The following SULF2 variants were observed in gnomAD, a reference collection of about 807,000 sequenced individuals.
SULF2 encodes the protein sulfatase 2, also known as extracellular sulfatase Sulf-2.
A neutral mutation model predicts 107.7 loss-of-function variants in SULF2; 52 were observed. That is an observed-to-expected ratio of 0.48 (90% confidence interval 0.39 to 0.61). The LOEUF is 0.61. Among genes scored for constraint, SULF2 ranks in the 20% least tolerant of loss-of-function variants. The pLI, the probability that SULF2 is intolerant of heterozygous loss-of-function variation, is 0.00. For synonymous variants in SULF2, 460 were observed against 464.3 expected (o/e 0.99, Z 0.12); for missense variants, 993 against 1,177.3 (o/e 0.84, Z 2.29).
intron 7 of SULF2, among the ~76,000 whole-genome samples, chr20:47,679,322 C>T (rs140379008): frequency 9.2e-5 from 14 of 152,262 alleles, no homozygotes; most frequent in African/African-American, 1.7e-4. Flanking sequence ...CAAGGAGGCC[C>T]GTGACAGGCC....
intron 10 of SULF2, among the ~76,000 whole-genome samples, 172 bp downstream of exon 10, chr20:47,676,322 T>C (rs1224537455): frequency 6.6e-6 from 1 of 152,180 alleles, no homozygotes; most frequent in African/African-American, 2.4e-5. Flanking sequence ...GAATCACTTA[T>C]TGTGAGCATC....
intron 3 of SULF2, among the ~76,000 whole-genome samples, chr20:47,733,137 C>A (rs2089653196): frequency 6.6e-6 from 1 of 152,060 alleles, no homozygotes; most frequent in Non-Finnish European, 1.5e-5. Flanking sequence ...GAAGATAGCT[C>A]AAAAAACACA....
intron 1 of SULF2, among the ~76,000 whole-genome samples, chr20:47,777,408 G>A (rs74835965): frequency 0.019 from 2,958 of 152,272 alleles, 48 homozygotes; most frequent in South Asian, 0.039. Context: ...GTGATGCGAC[G>A]TCTGGAGCTG....
intron 1 of SULF2, among the ~76,000 whole-genome samples, chr20:47,778,132 C>A (rs1490980458): frequency 6.6e-6 from 1 of 152,168 alleles, no homozygotes; most frequent in East Asian, 1.9e-4. Context: ...CAGTGCAAGA[C>A]CCTGTCTCAA....
chr20:47,696,299 G>A (rs757579005), intron 4 of SULF2, among the ~76,000 whole-genome samples: 20 of 152,114 alleles, frequency 1.3e-4, no homozygotes, highest in Admixed American at 3.3e-4. Context: ...CTAAATGAGT[G>A]TTAGTCATTA....
At chr20:47,725,903 C>T (rs535419713) in intron 3 of SULF2, among the ~76,000 whole-genome samples, 5 of 152,206 alleles carry the variant, frequency 3.3e-5, no homozygotes, top group Admixed American at 2.0e-4. Context: ...CCAAAGGACT[C>T]GCTGTGTGGG....
In SULF2 at chr20:47,702,630, G is replaced by A. The variant is rs767699435; in HGVS notation, c.456C>T (p.Tyr152=). 9.9e-6 allele frequency: 16 copies of A among 1,613,812 alleles called. No individual in the cohort carries two copies. The highest frequency in any genetic ancestry group is 3.3e-5 in the South Asian group (3 of 91,068). Residue 152 remains tyrosine, a synonymous_variant, in exon 4 of 21, where the codon TAC becomes TAT. Coordinates refer to ENST00000688720, the MANE Select transcript of SULF2 (RefSeq NM_001387048.1). ...CCCACTCCTTCCAGCCGGGTGGCACGTAGGAGCCGTTGTATTCATTAAGAT... is the reference window on the plus strand; with the variant it reads ...CCCACTCCTTCCAGCCGGGTGGCACATAGGAGCCGTTGTATTCATTAAGAT... The part of the protein sequence containing the change: ...GKYLNEYNGS[Y]VPPGWKEWVG...
At chr20:47,669,248 G>T (rs915165489) in intron 11 of SULF2, among the ~76,000 whole-genome samples, 4 of 152,058 alleles carry the variant, frequency 2.6e-5, no homozygotes, top group African/African-American at 9.7e-5. Context: ...TCCTGTTCCT[G>T]GGTCCCCCTT....
chr20:47,732,443 A>G (rs1201391574), intron 3 of SULF2, among the ~76,000 whole-genome samples: 1 of 152,198 alleles, frequency 6.6e-6, no homozygotes, highest in East Asian at 1.9e-4. Flanking sequence ...TCATTCTGGG[A>G]ACACTGTACA....
chr20:47,657,461 C>T lies in SULF2; in HGVS notation c.*901G>A, dbSNP rs1444680824. ...AAGGTTCTTCATACCAACTGCTGGT[C>T]ATTGGCTGGGGTTTTGAACACTGTA... On this transcript the variant is annotated 3_prime_UTR_variant, in exon 21 of 21. Coordinates refer to ENST00000688720, the MANE Select transcript of SULF2 (RefSeq NM_001387048.1). 2 of 152,164 alleles carry T rather than the reference C, an allele frequency of 1.3e-5. No individual in the cohort carries two copies. Among genetic ancestry groups the T allele is most frequent in the African/African-American group, 4.8e-5 (2 of 41,444 alleles). 9.4% of individuals were successfully genotyped at this position (152,164 alleles called of 1,614,324 possible).
At chr20:47,690,396 G>T in intron 4 of SULF2, 101 bp from the exon 5 acceptor site, 1 of 944,880 alleles carries the variant, frequency 1.1e-6, no homozygotes, top group Non-Finnish European at 1.4e-6. Flanking sequence ...GGACACAATA[G>T]TGAACAAAAC....
At chr20:47,662,038 A>G (rs1715331786) in intron 17 of SULF2, 142 bp from the exon 18 acceptor site, 4 of 857,786 alleles carry the variant, frequency 4.7e-6, no homozygotes, top group Middle Eastern at 3.2e-4. Context: ...CAACTTCTGC[A>G]AGAGCCAGCG....
Position 47,676,510 on chromosome 20 carries a change from C to A in SULF2, c.1364G>T (p.Cys455Phe). The A allele has an allele frequency of 6.2e-7, 1 of 1,607,572 alleles. No homozygotes were observed. The highest frequency in any genetic ancestry group is 8.5e-7 in the Non-Finnish European group (1 of 1,178,174). Residue 455 changes from cysteine to phenylalanine, a missense_variant, in exon 10 of 21, where the codon TGT (cysteine) becomes TTT (phenylalanine). Cys to Phe is a radical substitution (Grantham distance 205). This residue lies in a region of SULF2 where 497 missense variants were observed against 544.1 expected (regional missense o/e 0.91). Transcript: ENST00000688720. ...CCTTCTTACCTGTCCCAGCTGCTCACACGCCGTCTGGTACTCAGCACGCTG... is the reference window on the plus strand; with the variant it reads ...CCTTCTTACCTGTCCCAGCTGCTCAAACGCCGTCTGGTACTCAGCACGCTG... ...LCQRAEYQTA[C>F]EQLGQKWQCV...
intron 2 of SULF2, among the ~76,000 whole-genome samples, chr20:47,746,212 TA>T (rs1470743861): frequency 1.3e-5 from 2 of 152,196 alleles, no homozygotes; most frequent in African/African-American, 4.8e-5. Context: ...AGCAGCTAAA[TA>T]AATCTGCAAA....
At chr20:47,660,294 GT>G (rs1475440848) in intron 18 of SULF2, among the ~76,000 whole-genome samples, 1 of 152,252 alleles carries the variant, frequency 6.6e-6, no homozygotes, top group East Asian at 1.9e-4. Flanking sequence ...GATCACAAGA[GT>G]AGCAGCACTT....
At chr20:47,764,055 C>T (rs2090474580) in intron 1 of SULF2, among the ~76,000 whole-genome samples, 2 of 152,250 alleles carry the variant, frequency 1.3e-5, no homozygotes, top group Non-Finnish European at 2.9e-5. Context: ...CATGCTAGCA[C>T]AGCCCACCCC....
chr20:47,728,892 C>T (rs1362147003), intron 3 of SULF2, among the ~76,000 whole-genome samples: 2 of 152,160 alleles, frequency 1.3e-5, no homozygotes, highest in African/African-American at 4.8e-5. Context: ...GTGATCCACC[C>T]GCCTCAGCCT....
intron 3 of SULF2, among the ~76,000 whole-genome samples, chr20:47,717,622 G>C (rs555328060): frequency 1.3e-5 from 2 of 152,204 alleles, no homozygotes; most frequent in African/African-American, 4.8e-5. Flanking sequence ...CCAGGCAAAG[G>C]GAATTTCCAC....
intron 3 of SULF2, among the ~76,000 whole-genome samples, chr20:47,720,537 C>T (rs988196757): frequency 2.0e-5 from 3 of 146,932 alleles, no homozygotes; most frequent in South Asian, 2.2e-4. Context: ...GGATTACAGG[C>T]CTATCATAAT....
Sources: gnomAD v4.1 joint callset for allele counts (sites outside exome capture counted in the v4.1 genomes callset) on GRCh38, gnomAD v4.1.1 for gene constraint, gnomAD v4.1.1 regional missense constraint, MANE v1.5 for transcripts, NCBI Gene and HGNC (gene_info 2026-07-23, HGNC 2026-07-21) for gene names.